Variants in SPACA7 observed in about 807,000 individuals in gnomAD.
SPACA7 encodes the protein sperm acrosome-associated protein 7.
Under a neutral mutation model 26.3 loss-of-function variants are expected in SPACA7, and 19 were observed. That is an observed-to-expected ratio of 0.72 (90% CI 0.50 to 1.06). SPACA7 has a LOEUF of 1.06. Among genes scored for constraint, SPACA7 ranks in the 50% least tolerant of loss-of-function variants. SPACA7 has a pLI of 0.00. For missense variants in SPACA7, 211 were observed against 229.9 expected (o/e 0.92, Z 0.53); for synonymous variants, 84 against 84.5 (o/e 0.99, Z 0.04).
chr13:112,407,216 C>T (rs1886042226), intron 5 of SPACA7, among the ~76,000 whole-genome samples: 1 of 152,162 alleles, frequency 6.6e-6, no homozygotes, highest in Admixed American at 6.5e-5. Flanking sequence ...ACATTTAAAG[C>T]AGTATGTAGA....
At chr13:112,378,037 C>A (rs559635316) in intron 1 of SPACA7, among the ~76,000 whole-genome samples, 32 of 152,228 alleles carry the variant, frequency 2.1e-4, no homozygotes, top group Non-Finnish European at 2.9e-4. Context: ...GACATCATGA[C>A]CATCAGAGCC....
At chr13:112,400,391 T>C (rs1159319506) in intron 4 of SPACA7, among the ~76,000 whole-genome samples, 2 of 152,274 alleles carry the variant, frequency 1.3e-5, no homozygotes, top group Admixed American at 1.3e-4. Context: ...CGAGTTTCTC[T>C]TTCTGCCATT....
At chr13:112,383,149 GAAAGAAAGAAAGAAAGAAAGAAAGAAAGA>G (rs1884275902) in intron 1 of SPACA7, among the ~76,000 whole-genome samples, 1 of 97,426 alleles carries the variant, frequency 1.0e-5, no homozygotes, top group Non-Finnish European at 2.1e-5. Context: ...AAGAAAGAAA[GAAAGAAAGAAAGAAAGAAAGAAAGAAAGA>G]AAGAAAGAAA....
intron 5 of SPACA7, among the ~76,000 whole-genome samples, 159 bp downstream of exon 5, chr13:112,401,323 T>G (rs192919203): frequency 6.6e-6 from 1 of 152,236 alleles, no homozygotes; most frequent in East Asian, 1.9e-4. Context: ...CTGCTTTTGT[T>G]TGCAATTGTC....
intron 1 of SPACA7, among the ~76,000 whole-genome samples, chr13:112,377,239 A>T (rs1308468606): frequency 1.3e-5 from 2 of 152,178 alleles, no homozygotes; most frequent in African/African-American, 2.4e-5. Flanking sequence ...CCACCTGATT[A>T]CTCTAGAATT....
intron 2 of SPACA7, among the ~76,000 whole-genome samples, chr13:112,395,055 G>C (rs1885147412): frequency 6.6e-6 from 1 of 152,152 alleles, no homozygotes; most frequent in African/African-American, 2.4e-5. Context: ...AGCTTGCTGT[G>C]GGAGGGCAGT....
intron 5 of SPACA7, among the ~76,000 whole-genome samples, chr13:112,402,524 G>A (rs1387826533): frequency 2.0e-5 from 3 of 152,126 alleles, no homozygotes; most frequent in African/African-American, 7.2e-5. Context: ...TCTCATTGAT[G>A]TCCCTTGCCT....
chr13:112,431,736 C>G (rs911748865), intron 5 of SPACA7, among the ~76,000 whole-genome samples: 8 of 152,156 alleles, frequency 5.3e-5, no homozygotes, highest in Non-Finnish European at 1.0e-4. Flanking sequence ...GGTGGGTCCT[C>G]CTGGTGTGCT....
chr13:112,392,814 T>C (rs534463563), intron 1 of SPACA7, among the ~76,000 whole-genome samples: 1 of 152,252 alleles, frequency 6.6e-6, no homozygotes, highest in African/African-American at 2.4e-5. Context: ...GGTGGCTGTT[T>C]CTCCGCATTT....
intron 5 of SPACA7, among the ~76,000 whole-genome samples, chr13:112,427,354 G>A (rs1259740948): frequency 2.6e-5 from 4 of 152,182 alleles, no homozygotes; most frequent in African/African-American, 9.7e-5. Flanking sequence ...TGTTGGGATG[G>A]TCACTTGGTT....
chr13:112,408,743 T>C (rs1043333110), intron 5 of SPACA7, among the ~76,000 whole-genome samples: 14 of 152,210 alleles, frequency 9.2e-5, no homozygotes, highest in African/African-American at 3.4e-4. Flanking sequence ...GAGCATTCCA[T>C]GCCCATGGAT....
chr13:112,430,206 G>C (rs1876960309), intron 5 of SPACA7, among the ~76,000 whole-genome samples: 1 of 151,756 alleles, frequency 6.6e-6, no homozygotes, highest in African/African-American at 2.4e-5. Context: ...GTGTGTGTGT[G>C]TGTCTCACTC....
chr13:112,393,091 TC>T lies in SPACA7; in HGVS notation c.151+16del. 1 of 1,610,706 alleles carries T rather than the reference TC, an allele frequency of 6.2e-7. No individual in the cohort carries two copies. Among genetic ancestry groups the T allele is most frequent in the Non-Finnish European group, 8.5e-7 (1 of 1,177,248 alleles). ...CTGAATTATTAGGTAAGGAAGCCCC[TC>T]CTATCAACCTCTGGCCTGTACGTGA... On this transcript the variant is annotated intron_variant, in intron 2 of 6. Coordinates refer to ENST00000283550, the MANE Select transcript of SPACA7 (RefSeq NM_145248.5).
chr13:112,424,484 C>G (rs1471812421), intron 5 of SPACA7, among the ~76,000 whole-genome samples: 1 of 152,122 alleles, frequency 6.6e-6, no homozygotes, highest in East Asian at 1.9e-4. Context: ...AATGACAGAA[C>G]TTCACATATA....
chr13:112,390,033 T>C (rs1278002086), intron 1 of SPACA7, among the ~76,000 whole-genome samples: 1 of 152,152 alleles, frequency 6.6e-6, no homozygotes, highest in Non-Finnish European at 1.5e-5. Context: ...TTTTTCCTTT[T>C]CAGCCTCAGA....
intron 5 of SPACA7, among the ~76,000 whole-genome samples, chr13:112,408,717 A>G (rs1886152650): frequency 6.6e-6 from 1 of 152,178 alleles, no homozygotes; most frequent in Non-Finnish European, 1.5e-5. Flanking sequence ...ACAAAATAGG[A>G]CACAAACAAA....
intron 3 of SPACA7, 147 bp from the exon 4 acceptor site, chr13:112,398,919 A>G: frequency 1.6e-6 from 1 of 631,890 alleles, no homozygotes. Context: ...TTACACCTTC[A>G]CTTACCAACG....
intron 5 of SPACA7, among the ~76,000 whole-genome samples, chr13:112,412,029 C>T (rs977228028): frequency 6.6e-6 from 1 of 152,102 alleles, no homozygotes; most frequent in Admixed American, 6.6e-5. Flanking sequence ...AACCTCTATA[C>T]TGTTTTCCAT....
intron 5 of SPACA7, among the ~76,000 whole-genome samples, chr13:112,401,536 T>C (rs373086373): frequency 1.2e-4 from 18 of 152,144 alleles, no homozygotes; most frequent in African/African-American, 3.6e-4. Flanking sequence ...AGATGGATAA[T>C]TGTTGGGGTT....
Sources: allele counts gnomAD v4.1 joint callset (sites outside exome capture counted in the v4.1 genomes callset), GRCh38; gene constraint gnomAD v4.1.1; transcripts MANE v1.5; gene names NCBI Gene and HGNC (gene_info 2026-07-23, HGNC 2026-07-21).